MRM1: variants seen among roughly 807,000 people sequenced by gnomAD.
MRM1 encodes the protein mitochondrial rRNA methyltransferase 1.
Under a neutral mutation model 25.0 loss-of-function variants are expected in MRM1, and 24 were observed. That is an observed-to-expected ratio of 0.96 (90% confidence interval 0.69 to 1.35). The LOEUF (loss-of-function observed/expected upper bound fraction) is 1.35, where lower values mean the gene tolerates loss of function less well. Ranked by LOEUF, MRM1 falls within the 40% of genes most tolerant of loss-of-function variation. The pLI, the probability that MRM1 is intolerant of heterozygous loss-of-function variation, is 0.00. For synonymous variants in MRM1, 188 were observed against 199.2 expected, an observed-to-expected ratio of 0.94 and a Z score of 0.47; for missense variants, 431 against 464.1, an observed-to-expected ratio of 0.93 and a Z score of 0.65.
downstream of MRM1, among the ~76,000 whole-genome samples, chr17:36,611,802 G>T (rs2074978054): frequency 6.6e-6 from 1 of 152,162 alleles, no homozygotes; most frequent in Non-Finnish European, 1.5e-5. Context: ...GATACCATTG[G>T]TTTTCCTGGT....
the MRM1 span, among the ~76,000 whole-genome samples, chr17:36,633,043 G>A: frequency 6.6e-6 from 1 of 152,230 alleles, no homozygotes; most frequent in Admixed American, 6.5e-5. Context: ...AAAAGAGTAG[G>A]AGGCTGAATT....
At chr17:36,617,848 G>A in the MRM1 span, among the ~76,000 whole-genome samples, 33 of 152,228 alleles carry the variant, frequency 2.2e-4, no homozygotes, top group African/African-American at 7.7e-4. Flanking sequence ...CCCTGGCCGG[G>A]TCACTGGGGG....
the MRM1 span, among the ~76,000 whole-genome samples, chr17:36,617,314 C>T: frequency 7.9e-5 from 12 of 152,152 alleles, no homozygotes; most frequent in African/African-American, 2.9e-4. Context: ...CTGCTTTCAC[C>T]CACGGTTGTG....
chr17:36,603,636 C>CA (rs2074902455), intron 2 of MRM1, among the ~76,000 whole-genome samples: 2 of 151,956 alleles, frequency 1.3e-5, no homozygotes, highest in African/African-American at 4.8e-5. Flanking sequence ...TGACCTTAAG[C>CA]GATCCACTCG....
chr17:36,612,184 T>C (rs1322095330), downstream of MRM1, among the ~76,000 whole-genome samples: 1 of 152,184 alleles, frequency 6.6e-6, no homozygotes, highest in East Asian at 1.9e-4. Flanking sequence ...GTTCATCAGC[T>C]TTCCCTGTCC....
intron 2 of MRM1, 52 bp from the exon 3 acceptor site, chr17:36,607,618 C>A: frequency 6.4e-7 from 1 of 1,565,194 alleles, no homozygotes; most frequent in Non-Finnish European, 8.6e-7. Context: ...AAGACCCTAT[C>A]TCAAAATTAA....
At chr17:36,613,282 A>G (rs910227168), downstream of MRM1, among the ~76,000 whole-genome samples, 2 of 151,568 alleles carry the variant, frequency 1.3e-5, no homozygotes, top group Non-Finnish European at 1.5e-5. Context: ...CACCACCACT[A>G]CCACCACCGA....
chr17:36,621,527 G>A, the MRM1 span, among the ~76,000 whole-genome samples: 8 of 152,110 alleles, frequency 5.3e-5, no homozygotes, highest in African/African-American at 1.9e-4. Context: ...TGCACCTTGT[G>A]CCCCTGCTCA....
At chr17:36,624,669 G>A in the MRM1 span, among the ~76,000 whole-genome samples, 1 of 152,186 alleles carries the variant, frequency 6.6e-6, no homozygotes, top group Non-Finnish European at 1.5e-5. The surrounding 1 kb of genome is among the most constrained non-coding windows in gnomAD (Gnocchi z 4.0). Flanking sequence ...TTTGAGGCCT[G>A]CTTCTCTTCT....
the MRM1 span, among the ~76,000 whole-genome samples, chr17:36,619,938 C>T: frequency 1.1e-4 from 17 of 152,192 alleles, no homozygotes; most frequent in South Asian, 2.1e-4. Context: ...TACGTTTTTC[C>T]GGTCATTTGT....
chr17:36,602,807 A>G lies in MRM1; in HGVS notation c.636+161A>G. The G allele has an allele frequency of 1.3e-6, 1 of 753,712 alleles. No homozygotes were observed. Among genetic ancestry groups the G allele is most frequent in the Non-Finnish European group, 1.6e-6 (1 of 618,620 alleles). 46.7% of individuals were successfully genotyped at this position (753,712 alleles called of 1,614,324 possible). ...GATGGAAGGGTCCTGGAGTTTTTAA[A>G]ACGGCAAATGGAGCATTAGCTGAAT... On this transcript the variant is annotated intron_variant, in intron 2 of 4. Coordinates refer to ENST00000614766, the MANE Select transcript of MRM1 (RefSeq NM_024864.5). The surrounding 1 kb of genome is among the most constrained non-coding windows in gnomAD (Gnocchi z 4.1).
At chr17:36,609,584 G>T (rs2074962079), downstream of MRM1, among the ~76,000 whole-genome samples, 1 of 152,176 alleles carries the variant, frequency 6.6e-6, no homozygotes, top group African/African-American at 2.4e-5. Context: ...AACCAGAAAT[G>T]TCTCCAGACG....
At chr17:36,621,710 T>G in the MRM1 span, among the ~76,000 whole-genome samples, 1 of 152,156 alleles carries the variant, frequency 6.6e-6, no homozygotes, top group Non-Finnish European at 1.5e-5. Context: ...CAACTACCCC[T>G]GCAGCTACGC....
the MRM1 span, among the ~76,000 whole-genome samples, chr17:36,622,216 T>A: frequency 2.9e-3 from 448 of 152,284 alleles, 22 homozygotes; most frequent in East Asian, 0.077. Context: ...CCTGTCCCTA[T>A]GGAAATGGGA....
chr17:36,633,377 G>C, the MRM1 span, among the ~76,000 whole-genome samples: 20 of 152,266 alleles, frequency 1.3e-4, no homozygotes, highest in African/African-American at 4.3e-4. Flanking sequence ...TTCATCCTTG[G>C]GTCCGTGAGG....
chr17:36,620,351 T>C, the MRM1 span, among the ~76,000 whole-genome samples: 49,687 of 150,980 alleles, frequency 0.33, 9,899 homozygotes, highest in African/African-American at 0.56. Context: ...GAGGGAATGA[T>C]GACGTGTTTA....
the MRM1 span, among the ~76,000 whole-genome samples, chr17:36,629,761 C>A: frequency 6.6e-6 from 1 of 152,090 alleles, no homozygotes; most frequent in East Asian, 1.9e-4. Flanking sequence ...CCTGGTGGGG[C>A]AGCCCGGCAC....
At chr17:36,627,678 T>TTG in the MRM1 span, among the ~76,000 whole-genome samples, 1 of 111,026 alleles carries the variant, frequency 9.0e-6, no homozygotes, top group Non-Finnish European at 1.9e-5. Context: ...GACACTGTTT[T>TTG]TTTTTTTTTT....
downstream of MRM1, among the ~76,000 whole-genome samples, chr17:36,611,875 G>A (rs930881002): frequency 1.4e-4 from 22 of 152,126 alleles, no homozygotes; most frequent in African/African-American, 4.8e-4. Context: ...CCAGCTTGCT[G>A]ACTCACCCTG....
Sources: allele counts gnomAD v4.1 joint callset (sites outside exome capture counted in the v4.1 genomes callset), GRCh38; gene constraint gnomAD v4.1.1; non-coding constraint Gnocchi (gnomAD v3.1); transcripts MANE v1.5; gene names NCBI Gene and HGNC (gene_info 2026-07-23, HGNC 2026-07-21).